ATP8A1: variants seen among roughly 807,000 people sequenced by gnomAD.
ATP8A1 encodes the protein ATPase phospholipid transporting 8A1.
Under a neutral mutation model 177.7 loss-of-function variants are expected in ATP8A1, and 90 were observed. The observed-to-expected ratio is 0.51, with a 90% CI of 0.43 to 0.60. The LOEUF (loss-of-function observed/expected upper bound fraction) is 0.60, where lower values mean the gene tolerates loss of function less well. Ranked by LOEUF, ATP8A1 falls within the 20% of genes least tolerant of loss-of-function variation. The pLI, the probability that ATP8A1 is intolerant of heterozygous loss-of-function variation, is 0.00. For missense variants in ATP8A1, 1,072 were observed against 1,392.8 expected, an observed-to-expected ratio of 0.77 and a Z score of 3.67; for synonymous variants, 493 against 485.9, an observed-to-expected ratio of 1.01 and a Z score of -0.19.
intron 1 of ATP8A1, 47 bp downstream of exon 1, chr4:42,656,778 C>T (rs1384599388): frequency 2.0e-6 from 3 of 1,510,888 alleles, no homozygotes; most frequent in East Asian, 2.6e-5. Context: ...CACACACACA[C>T]TCGCTTCCCG....
chr4:42,649,826 T>C (rs16854647), intron 1 of ATP8A1, among the ~76,000 whole-genome samples: 2,917 of 152,300 alleles, frequency 0.019, 33 homozygotes, highest in Middle Eastern at 0.054. Flanking sequence ...GGCATTTTCA[T>C]CTTTAGGACA....
At chr4:42,639,766 A>G (rs1318748682) in intron 1 of ATP8A1, among the ~76,000 whole-genome samples, 1 of 152,204 alleles carries the variant, frequency 6.6e-6, no homozygotes, top group East Asian at 1.9e-4. Flanking sequence ...AGATGAAGAC[A>G]ATTTAGTCAT....
intron 33 of ATP8A1, among the ~76,000 whole-genome samples, chr4:42,431,099 C>G (rs1176067378): frequency 6.6e-6 from 1 of 152,146 alleles, no homozygotes; most frequent in Non-Finnish European, 1.5e-5. Context: ...TTCCCAGAAA[C>G]TAGAATAGCG....
intron 18 of ATP8A1, among the ~76,000 whole-genome samples, chr4:42,549,566 A>G (rs1729282845): frequency 6.6e-6 from 1 of 152,154 alleles, no homozygotes; most frequent in Non-Finnish European, 1.5e-5. Flanking sequence ...AGGTGGGAGA[A>G]TCAAAGGAGC....
At chr4:42,551,413 C>T (rs1376673600) in intron 17 of ATP8A1, 133 bp from the exon 18 acceptor site, 1 of 618,930 alleles carries the variant, frequency 1.6e-6, no homozygotes, top group Non-Finnish European at 2.9e-6. Context: ...TGTTATTAAT[C>T]CAATTATTTT....
intron 9 of ATP8A1, among the ~76,000 whole-genome samples, chr4:42,582,080 G>A (rs1314203104): frequency 6.6e-6 from 1 of 152,014 alleles, no homozygotes; most frequent in Non-Finnish European, 1.5e-5. Context: ...ATGAGGGTTG[G>A]GTCCTCATGA....
intron 25 of ATP8A1, among the ~76,000 whole-genome samples, chr4:42,483,189 ATAGTT>A (rs1268201434): frequency 1.3e-5 from 2 of 152,212 alleles, no homozygotes; most frequent in Non-Finnish European, 2.9e-5. Flanking sequence ...GTCTGTGCCA[ATAGTT>A]TAAATGCCAA....
At position 42,656,816 on chromosome 4, in the gene ATP8A1, G is replaced by A; in HGVS notation, c.49+9C>T. 2 of 1,566,954 alleles carry A rather than the reference G, an allele frequency of 1.3e-6. No individual in the cohort carries two copies. The highest frequency in any genetic ancestry group is 1.7e-6 in the Non-Finnish European group (2 of 1,156,076). ...CCCGGGCTAGCCCCGAGCCTCGGCGGCCCCTTACCTTCGGCGCGCGAGCGG... is the reference window on the plus strand; with the variant it reads ...CCCGGGCTAGCCCCGAGCCTCGGCGACCCCTTACCTTCGGCGCGCGAGCGG... On this transcript the variant is annotated intron_variant, in intron 1 of 36. Coordinates refer to ENST00000381668, the MANE Select transcript of ATP8A1 (RefSeq NM_006095.2).
chr4:42,515,694 C>T (rs1353867603), intron 22 of ATP8A1, among the ~76,000 whole-genome samples: 1 of 152,178 alleles, frequency 6.6e-6, no homozygotes, highest in Non-Finnish European at 1.5e-5. Context: ...TTTTAGTTTA[C>T]AAGTTCACTA....
chr4:42,512,163 T>A (rs922757183), intron 22 of ATP8A1, among the ~76,000 whole-genome samples: 10 of 152,146 alleles, frequency 6.6e-5, no homozygotes, highest in Non-Finnish European at 1.3e-4. Flanking sequence ...CAACTAGAGG[T>A]GCAGCTAAGC....
intron 25 of ATP8A1, among the ~76,000 whole-genome samples, chr4:42,483,325 A>G (rs1721875873): frequency 6.7e-6 from 1 of 149,538 alleles, no homozygotes; most frequent in East Asian, 2.0e-4. Flanking sequence ...GGGAAAAGAG[A>G]GAGTATGAAG....
At chr4:42,616,266 T>C (rs1032372592) in intron 4 of ATP8A1, among the ~76,000 whole-genome samples, 188 bp from the exon 5 acceptor site, 3 of 152,190 alleles carry the variant, frequency 2.0e-5, no homozygotes, top group Non-Finnish European at 4.4e-5. Flanking sequence ...CACCTAGGAA[T>C]TTTAAAACTG....
At chr4:42,619,645 CTATA>C (rs1362580051) in intron 4 of ATP8A1, among the ~76,000 whole-genome samples, 2 of 150,876 alleles carry the variant, frequency 1.3e-5, no homozygotes, top group African/African-American at 4.9e-5. Context: ...AATTTTAAAT[CTATA>C]TATATAGAGA....
At chr4:42,557,632 A>G (rs1382170390) in intron 15 of ATP8A1, among the ~76,000 whole-genome samples, 3 of 152,216 alleles carry the variant, frequency 2.0e-5, no homozygotes, top group Non-Finnish European at 4.4e-5. Flanking sequence ...TGGATATGCA[A>G]TTGAAATATT....
At chr4:42,621,357 A>T (rs1737446658) in intron 4 of ATP8A1, among the ~76,000 whole-genome samples, 1 of 152,260 alleles carries the variant, frequency 6.6e-6, no homozygotes, top group South Asian at 2.1e-4. Context: ...CCTCTATAGA[A>T]AAAGTGTTAA....
rs769119067 is a variant in ATP8A1 at position 42,522,205 on chromosome 4, C to G, written c.1902G>C (p.Gln634His). The G allele has an allele frequency of 6.2e-7, 1 of 1,613,610 alleles. No homozygotes were observed. Among genetic ancestry groups the G allele is most frequent in the Admixed American group, 1.7e-5 (1 of 59,940 alleles). ...AVYQRASTSV[Q>H]NRLLKLEESY... ...TCTCTTCGAGTTTGAGTAGCCTGTT[C>G]TGCACAGATGTAGATGCTCGCTGAT... The change falls in exon 22 of 37, where the codon CAG (glutamine) becomes CAC (histidine). Residue 634 changes from glutamine (Q) to histidine (H), a missense_variant. Transcript: ENST00000381668.
chr4:42,564,637 T>C (rs1375310599), intron 15 of ATP8A1, among the ~76,000 whole-genome samples: 3 of 152,208 alleles, frequency 2.0e-5, no homozygotes, highest in Non-Finnish European at 4.4e-5. Context: ...TATACTCCCA[T>C]TGTATCTAGG....
At chr4:42,596,614 C>A (rs1427336838) in intron 6 of ATP8A1, among the ~76,000 whole-genome samples, 1 of 148,162 alleles carries the variant, frequency 6.7e-6, no homozygotes, top group Non-Finnish European at 1.5e-5. Flanking sequence ...TTGCAGTGAG[C>A]CGAGATTGCG....
chr4:42,581,113 C>A (rs1198890660), intron 10 of ATP8A1, among the ~76,000 whole-genome samples: 2 of 152,022 alleles, frequency 1.3e-5, no homozygotes, highest in African/African-American at 4.8e-5. Flanking sequence ...TTCCAGTATT[C>A]CCGTGTGCAG....
Sources: gnomAD v4.1 joint callset for allele counts (sites outside exome capture counted in the v4.1 genomes callset) on GRCh38, gnomAD v4.1.1 for gene constraint, MANE v1.5 for transcripts, NCBI Gene and HGNC (gene_info 2026-07-23, HGNC 2026-07-21) for gene names.